The following MEF2D variants were observed in gnomAD, a reference collection of about 807,000 sequenced individuals.
MEF2D encodes the protein myocyte-specific enhancer factor 2D.
MEF2D carries 10 observed loss-of-function variants against 59.3 expected under a neutral mutation model. The ratio of observed to expected loss-of-function variants is 0.17; its 90% CI spans 0.10 to 0.29. The LOEUF is 0.29. MEF2D is among the 10% of genes least tolerant of loss of function. MEF2D has a pLI of 1.00. For missense variants in MEF2D, 508 were observed against 699.4 expected (o/e 0.73, Z 3.09); for synonymous variants, 305 against 295.0 (o/e 1.03, Z -0.35).
intron 1 of MEF2D, among the ~76,000 whole-genome samples, chr1:156,487,562 T>G (rs1037162648): frequency 6.6e-6 from 1 of 152,200 alleles, no homozygotes; most frequent in Non-Finnish European, 1.5e-5. Flanking sequence ...GGCAAGAACA[T>G]GAACTCAACC....
At position 156,468,702 on chromosome 1, in the gene MEF2D, C is replaced by G; in HGVS notation, c.1247+78G>C. The G allele has an allele frequency of 6.4e-7, 1 of 1,556,658 alleles. No individual in the cohort carries two copies. Among genetic ancestry groups the G allele is most frequent in the Non-Finnish European group, 8.7e-7 (1 of 1,146,888 alleles). On this transcript the variant is annotated intron_variant, in intron 10 of 11. Transcript: ENST00000348159. This position sits in a 1 kb window ranked among gnomAD's most constrained non-coding sequence, Gnocchi z 4.3. ...GTCCACTAGAACCCTGCAGGGAACC[C>G]AGCTCCCAAGAGGTCCCTCCTCTTC...
intron 4 of MEF2D, 122 bp downstream of exon 4, chr1:156,480,712 G>C (rs1237604898): frequency 3.7e-6 from 6 of 1,609,864 alleles, no homozygotes; most frequent in Non-Finnish European, 3.4e-6. Context: ...CTTCCGTCTG[G>C]GGGGTCAGGG....
At chr1:156,499,469 C>G (rs1673344968) in intron 1 of MEF2D, 1 of 152,144 alleles carries the variant, frequency 6.6e-6, no homozygotes, top group Middle Eastern at 3.2e-3. Context: ...GAGTGCCTTC[C>G]TTTCAGGAGG....
At chr1:156,473,857 A>C (rs1236539766) in intron 9 of MEF2D, among the ~76,000 whole-genome samples, 9 of 152,086 alleles carry the variant, frequency 5.9e-5, no homozygotes, top group Non-Finnish European at 1.3e-4. Flanking sequence ...AAACTAGAGG[A>C]GAGACGCTGT....
In MEF2D at chr1:156,479,613, C is replaced by T. The variant is rs373843979; in HGVS notation, c.580G>A (p.Gly194Ser). 1.5e-5 allele frequency: 24 copies of T among 1,552,310 alleles called. No homozygotes were observed. In the African/African-American group the frequency reaches 2.0e-4, roughly 13 times the overall value. Residue 194 changes from glycine to serine, a missense_variant, in exon 5 of 12, where the codon GGC (glycine) becomes AGC (serine). Physicochemically the swap from Gly to Ser is moderately conservative, Grantham distance 56 (BLOSUM62 0). Around this residue, in one of 2 missense-constraint regions of MEF2D, gnomAD observed 481 missense variants for 584.7 expected, o/e 0.82. Transcript: ENST00000348159. ...GCACTAGCTGGCCGCTGGGGCAGGC[C>T]AGGAGACACACTGTTCCTCTGTAGT... Reference protein sequence around the residue: ...PALQRNSVSPGLPQRPASAGA... With the variant: ...PALQRNSVSPSLPQRPASAGA...
intron 8 of MEF2D, among the ~76,000 whole-genome samples, chr1:156,475,861 G>C (rs1401990358): frequency 6.6e-6 from 1 of 152,216 alleles, no homozygotes; most frequent in Admixed American, 6.5e-5. Context: ...GGCTGGGGGT[G>C]AGTATGTAAG....
chr1:156,495,777 A>AAAAAAAAAAAAAAC (rs1259675899), intron 1 of MEF2D, among the ~76,000 whole-genome samples: 3 of 150,616 alleles, frequency 2.0e-5, no homozygotes, highest in South Asian at 2.1e-4. Flanking sequence ...AAAAAAAAAA[A>AAAAAAAAAAAAAAC]AGCTCCCTCT....
In MEF2D at chr1:156,468,082, C is replaced by A. The variant is rs370914531; in HGVS notation, c.1465G>T (p.Asp489Tyr). ...ETGDRDDGRGDFGPTLGLLRP... is the reference protein window; with the variant it reads ...ETGDRDDGRGYFGPTLGLLRP... Reference sequence around the variant, plus strand: ...AGCAGGCCCAGTGTGGGCCCGAAGTCCCCCCGTCCGTCATCCCGGTCTCCC... The same window carrying A: ...AGCAGGCCCAGTGTGGGCCCGAAGTACCCCCGTCCGTCATCCCGGTCTCCC... The change falls in exon 11 of 12, where the codon GAC (aspartate) becomes TAC (tyrosine). Residue 489 changes from aspartate to tyrosine, a missense_variant. This residue lies in a region of MEF2D where 481 missense variants were observed against 584.7 expected (regional missense o/e 0.82). Coordinates refer to ENST00000348159, the MANE Select transcript of MEF2D (RefSeq NM_005920.4). This position sits in a 1 kb window ranked among gnomAD's most constrained non-coding sequence, Gnocchi z 4.3. 1.2e-5 allele frequency: 20 copies of A among 1,614,062 alleles called. No homozygotes were observed. The highest frequency in any genetic ancestry group is 2.7e-5 in the African/African-American group (2 of 75,040).
intron 9 of MEF2D, among the ~76,000 whole-genome samples, chr1:156,469,965 T>C (rs760260953): frequency 6.6e-6 from 1 of 152,220 alleles, no homozygotes; most frequent in Non-Finnish European, 1.5e-5. Context: ...AGAAGGTCTA[T>C]GTCTTGGCCT....
intron 9 of MEF2D, among the ~76,000 whole-genome samples, chr1:156,473,209 G>A (rs1173723885): frequency 6.6e-6 from 1 of 151,272 alleles, no homozygotes; most frequent in East Asian, 1.9e-4. Flanking sequence ...GTAGAGATGG[G>A]GTTTCACCAT....
chr1:156,500,203 C>A (rs1172654902), intron 1 of MEF2D, among the ~76,000 whole-genome samples: 1 of 151,984 alleles, frequency 6.6e-6, no homozygotes, highest in African/African-American at 2.4e-5. Flanking sequence ...GGCGGGCGCG[C>A]CCCCAATCCG....
rs142676598 is a variant in MEF2D, at chr1:156,468,024, G to A, written c.1523C>T (p.Ser508Leu). ...RPAPEPEAEG[S>L]AVKRMRLDTW... ...ATCAAGCCGCATCCTCTTCACAGCT[G>A]AGCCCTCAGCCTCAGGCTCTGGGGC... The change falls in exon 11 of 12, where the codon TCA becomes TTA. Residue 508 changes from serine to leucine, a missense_variant. This residue lies in a region of MEF2D where 481 missense variants were observed against 584.7 expected (regional missense o/e 0.82). Transcript: ENST00000348159. This position sits in a 1 kb window ranked among gnomAD's most constrained non-coding sequence, Gnocchi z 4.3. 585 of 1,613,580 alleles carry A rather than the reference G, an allele frequency of 3.6e-4. No homozygotes were observed. The highest frequency in any genetic ancestry group is 4.6e-4 in the Non-Finnish European group (545 of 1,179,914).
In MEF2D at chr1:156,468,289, G is replaced by A. The variant is rs1670998659; in HGVS notation, c.1258C>T (p.Pro420Ser). ...VSLSNLIPGSPLPHVGAALTV... is the reference protein window; with the variant it reads ...VSLSNLIPGSSLPHVGAALTV... ...AGGGCAGCACCCACGTGGGGCAGGG[G>A]GCTGCCCGGGCTGGAGGCAGGCAAT... is the stretch of plus-strand genomic sequence containing the variant. Residue 420 changes from proline to serine, a missense_variant, in exon 11 of 12, where the codon CCC (proline) becomes TCC (serine). Pro to Ser is a moderately conservative substitution (Grantham distance 74, BLOSUM62 -1). Transcript: ENST00000348159. The surrounding 1 kb of genome is among the most constrained non-coding windows in gnomAD (Gnocchi z 4.3). 6 of 1,547,176 alleles carry A rather than the reference G, an allele frequency of 3.9e-6. No individual in the cohort carries two copies. The highest frequency in any genetic ancestry group is 5.2e-6 in the Non-Finnish European group (6 of 1,146,234).
Position 156,479,421 on chromosome 1 carries a change from A to G in MEF2D, c.608-75T>C, listed in dbSNP as rs760822000. 170 of 1,542,182 alleles carry G rather than the reference A, an allele frequency of 1.1e-4. 1 individual carries two copies. Among genetic ancestry groups the G allele is most frequent in the Non-Finnish European group, 1.5e-4 (165 of 1,134,828 alleles). On this transcript the variant is annotated intron_variant, in intron 5 of 11. Coordinates refer to ENST00000348159, the MANE Select transcript of MEF2D (RefSeq NM_005920.4). ...AGTGAGTCTTGGGGACTGAACATGA[A>G]GAGGGGACCCCAGGAGGAAGAGTCA...
chr1:156,480,786 A>G (rs1253542988), intron 4 of MEF2D, 48 bp downstream of exon 4: 7 of 1,568,140 alleles, frequency 4.5e-6, no homozygotes, highest in Admixed American at 3.5e-5. Flanking sequence ...GCCTGGGGGG[A>G]AGGGGCCGGA....
rs1202152165 is a variant in MEF2D at position 156,468,434 on chromosome 1, G to C, written c.1248-135C>G. 50 of 662,282 alleles carry C rather than the reference G, an allele frequency of 7.5e-5. No homozygotes were observed. Among genetic ancestry groups the C allele is most frequent in the Non-Finnish European group, 1.1e-4 (42 of 396,254 alleles). The allele number at this position is 662,282 out of a possible 1,614,324, so 41.0% of individuals were successfully genotyped here. ...AATATGGGGGATGGGGTGTTGGGGA[G>C]AGGCAATTGGATGGAGAGTGATCAG... On this transcript the variant is annotated intron_variant, in intron 10 of 11. Transcript: ENST00000348159. The surrounding 1 kb of genome is among the most constrained non-coding windows in gnomAD (Gnocchi z 4.3).
intron 1 of MEF2D, among the ~76,000 whole-genome samples, chr1:156,494,152 A>G (rs980091468): frequency 3.3e-5 from 5 of 152,142 alleles, no homozygotes; most frequent in African/African-American, 1.2e-4. Flanking sequence ...CATGCTTTAA[A>G]GGGAAAATCT....
intron 1 of MEF2D, among the ~76,000 whole-genome samples, chr1:156,494,486 G>T (rs111826098): frequency 0.029 from 4,348 of 152,180 alleles, 202 homozygotes; most frequent in African/African-American, 0.099. Context: ...TGGATGGGGA[G>T]GGGAGGGCTG....
chr1:156,480,391 T>A (rs1011642896), intron 4 of MEF2D, among the ~76,000 whole-genome samples: 1 of 151,924 alleles, frequency 6.6e-6, no homozygotes, highest in African/African-American at 2.4e-5. Context: ...TTTGCTGTCC[T>A]CTAAGGATCT....
Sources: gnomAD v4.1 joint callset for allele counts (sites outside exome capture counted in the v4.1 genomes callset) on GRCh38, gnomAD v4.1.1 for gene constraint, gnomAD v4.1.1 regional missense constraint, Gnocchi (gnomAD v3.1) non-coding constraint, MANE v1.5 for transcripts, NCBI Gene and HGNC (gene_info 2026-07-23, HGNC 2026-07-21) for gene names.